Variants in SMURF1 observed in about 807,000 individuals in gnomAD.
The protein encoded by SMURF1 is SMAD specific E3 ubiquitin protein ligase 1.
Under a neutral mutation model 98.0 loss-of-function variants are expected in SMURF1, and 44 were observed. The ratio of observed to expected loss-of-function variants is 0.45; its 90% CI spans 0.35 to 0.58. The LOEUF (loss-of-function observed/expected upper bound fraction) is 0.58. Among genes scored for constraint, SMURF1 ranks in the 20% least tolerant of loss-of-function variants. The pLI is 0.00. For synonymous variants in SMURF1, 396 were observed against 374.9 expected (o/e 1.06, Z -0.65); for missense variants, 687 against 938.4 (o/e 0.73, Z 3.50).
intron 7 of SMURF1, among the ~76,000 whole-genome samples, chr7:99,051,910 G>A (rs556908376): frequency 2.0e-5 from 3 of 152,314 alleles, no homozygotes; most frequent in African/African-American, 2.4e-5. Context: ...GCACTTGGGC[G>A]GCTGAGGCAG....
chr7:99,094,147 A>G (rs904040556), intron 1 of SMURF1, among the ~76,000 whole-genome samples: 2 of 152,190 alleles, frequency 1.3e-5, no homozygotes, highest in South Asian at 4.1e-4. Flanking sequence ...AAAATATTAG[A>G]AATACAATTA....
chr7:99,037,621 A>C (rs1179274716), intron 14 of SMURF1, among the ~76,000 whole-genome samples: 4 of 152,238 alleles, frequency 2.6e-5, no homozygotes, highest in Admixed American at 2.6e-4. Context: ...CAAGACAGAC[A>C]AACACACCAC....
In SMURF1 at chr7:99,143,796, G is replaced by C. The variant is rs960558495; in HGVS notation, c.-16C>G. The C allele has an allele frequency of 7.1e-6, 11 of 1,550,168 alleles. No homozygotes were observed. Among genetic ancestry groups the C allele is most frequent in the South Asian group, 1.2e-5 (1 of 84,868 alleles). On this transcript the variant is annotated 5_prime_UTR_variant, in exon 1 of 18. Coordinates refer to ENST00000361368, the MANE Select transcript of SMURF1 (RefSeq NM_181349.3). Reference sequence around the variant, plus strand: ...GGTTCGACATCTCCCGCCAACGATCGGGCAGCCGCGGATCCAGCGCCACCG... The same window carrying C: ...GGTTCGACATCTCCCGCCAACGATCCGGCAGCCGCGGATCCAGCGCCACCG...
rs76600092 is a variant in SMURF1, at chr7:99,056,992, CAAAA to C, written c.403+209_403+212del. On this transcript the variant is annotated intron_variant, in intron 5 of 17. Coordinates refer to ENST00000361368, the MANE Select transcript of SMURF1 (RefSeq NM_181349.3). ...CACTCCATCTCAAAAAAAAAAAAAC[CAAAA>C]AAAAAAAAAAGCCAGGAGAAGGGAA... Among the ~76,000 whole-genome samples the C allele has an allele frequency of 4.6e-5, 5 of 108,870 alleles. No individual in the cohort carries two copies. The East Asian group carries it at 1.2e-3, about 27-fold the overall frequency. The allele number at this position is 108,870 out of a possible 152,430, so 71.4% of individuals were successfully genotyped here.
intron 10 of SMURF1, among the ~76,000 whole-genome samples, chr7:99,047,195 G>T (rs1176531890): frequency 6.6e-6 from 1 of 152,214 alleles, no homozygotes; most frequent in Non-Finnish European, 1.5e-5. Flanking sequence ...CACAGGAGAA[G>T]CAGGATGGCC....
chr7:99,058,172 C>G (rs1795932212), intron 3 of SMURF1, among the ~76,000 whole-genome samples: 1 of 151,802 alleles, frequency 6.6e-6, no homozygotes, highest in African/African-American at 2.4e-5. Flanking sequence ...GCTCTTGTCG[C>G]CCAGGCCGGA....
intron 1 of SMURF1, among the ~76,000 whole-genome samples, chr7:99,135,094 T>TTTTA (rs1379205443): frequency 6.6e-6 from 1 of 152,220 alleles, no homozygotes; most frequent in Non-Finnish European, 1.5e-5. Flanking sequence ...TGCTATAATA[T>TTTTA]TTTAGCCTTT....
rs73145619 is a variant in SMURF1 at position 99,027,933 on chromosome 7, C to G, written c.*2651G>C. 0.03 allele frequency: 4,596 copies of G among 152,766 alleles called. 102 individuals are homozygous for G. The highest frequency in any genetic ancestry group is 0.058 in the South Asian group (278 of 4,824). The allele number at this position is 152,766 out of a possible 1,614,324, so 9.5% of individuals were successfully genotyped here. On this transcript the variant is annotated 3_prime_UTR_variant, in exon 18 of 18. Coordinates refer to ENST00000361368, the MANE Select transcript of SMURF1 (RefSeq NM_181349.3). ...TCGAAATTCGATCTGGTGGCAGATT[C>G]TCTTTTCAGAACTTGAGAGAGCCCT...
chr7:99,033,609 A>G (rs998341792), intron 16 of SMURF1, among the ~76,000 whole-genome samples: 11 of 152,198 alleles, frequency 7.2e-5, no homozygotes, highest in Admixed American at 5.2e-4. Context: ...ACACTCAGCC[A>G]AGATGCCAAC....
rs771428880 is a variant in SMURF1, at chr7:99,051,381, G to C, written c.782C>G (p.Thr261Arg). 6.2e-7 allele frequency: 1 copy of C among 1,614,104 alleles called. No individual in the cohort carries two copies. Among genetic ancestry groups the C allele is most frequent in the East Asian group, 2.2e-5 (1 of 44,872 alleles). Residue 261 changes from threonine to arginine, a missense_variant, in exon 8 of 18, where the codon ACG (threonine) becomes AGG (arginine). By Grantham distance (71) the Thr-to-Arg change is moderately conservative. This residue lies in a region of SMURF1 where 415 missense variants were observed against 508.4 expected (regional missense o/e 0.82). Transcript: ENST00000361368. Reference sequence around the variant, plus strand: ...CCTTGGTATCCTGGGGTCGTGCCACGTGCTAACTCCAGTCTGTGTATGCAA... The same window carrying C: ...CCTTGGTATCCTGGGGTCGTGCCACCTGCTAACTCCAGTCTGTGTATGCAA... Reference protein sequence around the residue: ...YFLHTQTGVSTWHDPRIPRDL... With the variant: ...YFLHTQTGVSRWHDPRIPRDL...
At chr7:99,088,055 G>A (rs1211797634) in intron 1 of SMURF1, among the ~76,000 whole-genome samples, 4 of 151,958 alleles carry the variant, frequency 2.6e-5, no homozygotes, top group Non-Finnish European at 2.9e-5. Context: ...TCAGGAGTTC[G>A]AGACCAGCCT....
intron 13 of SMURF1, among the ~76,000 whole-genome samples, chr7:99,039,835 G>A (rs1425887459): frequency 1.3e-5 from 2 of 152,200 alleles, no homozygotes; most frequent in Non-Finnish European, 2.9e-5. Flanking sequence ...GATAGTCACG[G>A]TTCATCTTGT....
intron 1 of SMURF1, among the ~76,000 whole-genome samples, chr7:99,091,640 T>C (rs980315140): frequency 1.3e-5 from 2 of 152,198 alleles, no homozygotes; most frequent in Non-Finnish European, 2.9e-5. Flanking sequence ...TCTTTCCAGA[T>C]GGTTCCTAGC....
At chr7:99,085,563 C>T (rs998732704) in intron 1 of SMURF1, among the ~76,000 whole-genome samples, 3 of 152,034 alleles carry the variant, frequency 2.0e-5, no homozygotes, top group Admixed American at 6.6e-5. Context: ...TATACCAGAG[C>T]GCTGCATTTA....
At position 99,027,783 on chromosome 7, in the gene SMURF1, GCA is replaced by G. The variant is rs1482885278; in HGVS notation, c.*2799_*2800del. On this transcript the variant is annotated 3_prime_UTR_variant, in exon 18 of 18. Coordinates refer to ENST00000361368, the MANE Select transcript of SMURF1 (RefSeq NM_181349.3). Reference sequence around the variant, plus strand: ...TATGTTTCGGGAAGGCTGCCGTGTGGCACACACCTGGCTGCAGATGGCGGGTG... The same window carrying G: ...TATGTTTCGGGAAGGCTGCCGTGTGGCACACCTGGCTGCAGATGGCGGGTG... 2.0e-5 allele frequency: 3 copies of G among 152,430 alleles called. No individual in the cohort carries two copies. Among genetic ancestry groups the G allele is most frequent in the African/African-American group, 4.8e-5 (2 of 41,444 alleles). The allele number at this position is 152,430 out of a possible 1,614,324, so 9.4% of individuals were successfully genotyped here.
chr7:99,133,301 T>C (rs958306635), intron 1 of SMURF1, among the ~76,000 whole-genome samples: 1 of 151,884 alleles, frequency 6.6e-6, no homozygotes, highest in Non-Finnish European at 1.5e-5. Flanking sequence ...AACACTAAAA[T>C]TGGGGGAGGC....
At chr7:99,079,989 T>A in intron 1 of SMURF1, among the ~76,000 whole-genome samples, 2 of 133,102 alleles carry the variant, frequency 1.5e-5, no homozygotes, top group African/African-American at 2.5e-5. Flanking sequence ...TTTAAAAGAT[T>A]AGTTAAGAAA....
At chr7:99,126,087 T>C (rs1325243200) in intron 1 of SMURF1, among the ~76,000 whole-genome samples, 1 of 152,226 alleles carries the variant, frequency 6.6e-6, no homozygotes, top group East Asian at 1.9e-4. Flanking sequence ...CTTAACTGTT[T>C]CTAGCGAATG....
chr7:99,049,976 G>A (rs1795706950), intron 8 of SMURF1: 2 of 315,476 alleles, frequency 6.3e-6, no homozygotes, highest in African/African-American at 4.3e-5. Flanking sequence ...ACTCTGGGAG[G>A]CAAGTGAATC....
Sources: allele counts gnomAD v4.1 joint callset (sites outside exome capture counted in the v4.1 genomes callset), GRCh38; gene constraint gnomAD v4.1.1; regional missense constraint gnomAD v4.1.1; transcripts MANE v1.5; gene names NCBI Gene and HGNC (gene_info 2026-07-23, HGNC 2026-07-21).